PITPNM1: variants seen among roughly 807,000 people sequenced by gnomAD.
The protein encoded by PITPNM1 is membrane-associated phosphatidylinositol transfer protein 1.
A neutral mutation model predicts 133.3 loss-of-function variants in PITPNM1; 74 were observed. That is an observed-to-expected ratio of 0.56 (90% CI 0.46 to 0.67). The LOEUF (loss-of-function observed/expected upper bound fraction) is 0.67. PITPNM1 is among the 30% of genes least tolerant of loss of function. PITPNM1 has a pLI of 0.00. For missense variants in PITPNM1, 1,398 were observed against 1,739.5 expected (o/e 0.80, Z 3.49); for synonymous variants, 738 against 741.4 (o/e 1.00, Z 0.08).
At chr11:67,496,903 G>A (rs1265330520) in intron 14 of PITPNM1, 2 of 223,746 alleles carry the variant, frequency 8.9e-6, no homozygotes, top group Non-Finnish European at 1.7e-5. Context: ...TGACACTCTA[G>A]TCTGGGTGAC....
In PITPNM1 at chr11:67,502,732, G is replaced by T. The variant is rs1166766086; in HGVS notation, c.79-14C>A. 3.1e-6 allele frequency: 5 copies of T among 1,609,452 alleles called. No individual in the cohort carries two copies. Among genetic ancestry groups the T allele is most frequent in the Admixed American group, 1.7e-5 (1 of 59,980 alleles). On this transcript the variant is annotated splice_polypyrimidine_tract_variant and intron_variant, in intron 2 of 23. Coordinates refer to ENST00000356404, the MANE Select transcript of PITPNM1 (RefSeq NM_004910.3). This position sits in a 1 kb window ranked among gnomAD's most constrained non-coding sequence, Gnocchi z 5.9. ...CCGGCTCTTTTTCTGTGGCCCAAGG[G>T]AGAGCAGGACAGGGAGCTCAGCCCC...
At position 67,504,230 on chromosome 11, in the gene PITPNM1, G is replaced by C; in HGVS notation, c.-41-9C>G. ...CGCGGCCTCCGCTCCTCCTGGCGCA[G>C]GGCACGGCGCGACAGTCAGTGCGGG... On this transcript the variant is annotated splice_polypyrimidine_tract_variant and intron_variant, in intron 1 of 23. Transcript: ENST00000356404. This position sits in a 1 kb window ranked among gnomAD's most constrained non-coding sequence, Gnocchi z 5.4. The C allele has an allele frequency of 7.0e-7, 1 of 1,438,418 alleles. No individual in the cohort carries two copies. Among genetic ancestry groups the C allele is most frequent in the Non-Finnish European group, 9.5e-7 (1 of 1,057,968 alleles). 89.1% of individuals were successfully genotyped at this position (1,438,418 alleles called of 1,614,324 possible).
chr11:67,498,807 C>G lies in PITPNM1; in HGVS notation c.1273G>C (p.Ala425Pro). Residue 425 changes from alanine to proline, a missense_variant, in exon 10 of 24, where the codon GCA (alanine) becomes CCA (proline). Around this residue, in one of 5 missense-constraint regions of PITPNM1, gnomAD observed 574 missense variants for 698.7 expected, o/e 0.82. Coordinates refer to ENST00000356404, the MANE Select transcript of PITPNM1 (RefSeq NM_004910.3). This position sits in a 1 kb window ranked among gnomAD's most constrained non-coding sequence, Gnocchi z 5.7. ...GAGELGAEAC[A>P]VHALFLILHS... ...AGGATAAGGAAGAGGGCGTGGACTGCGCATGCCTCAGCCCCCAGCTCCCCG... is the reference window on the plus strand; with the variant it reads ...AGGATAAGGAAGAGGGCGTGGACTGGGCATGCCTCAGCCCCCAGCTCCCCG... 1 of 1,611,964 alleles carries G rather than the reference C, an allele frequency of 6.2e-7. No homozygotes were observed. Among genetic ancestry groups the G allele is most frequent in the South Asian group, 1.1e-5 (1 of 91,068 alleles).
At position 67,497,958 on chromosome 11, in the gene PITPNM1, C is replaced by A. The variant is rs566010672; in HGVS notation, c.1741G>T (p.Ala581Ser). Residue 581 changes from alanine (A) to serine (S), a missense_variant, in exon 12 of 24, where the codon GCG becomes TCG. This residue lies in a region of PITPNM1 where 574 missense variants were observed against 698.7 expected (regional missense o/e 0.82). Transcript: ENST00000356404. ...CTGCTGCCCCGACTCCCGGTGCCCG[C>A]GTTAGCACTGTGGCAGAGTGCATCA... ...GFDALCHSANAGTGSRGSSRR... is the reference protein window; with the variant it reads ...GFDALCHSANSGTGSRGSSRR... The A allele has an allele frequency of 6.2e-7, 1 of 1,611,272 alleles. No homozygotes were observed. Among genetic ancestry groups the A allele is most frequent in the Non-Finnish European group, 8.5e-7 (1 of 1,179,974 alleles).
rs1866429255 is a variant in PITPNM1, at chr11:67,504,423, G to GCCCCCGC, written c.-41-209_-41-203dup. On this transcript the variant is annotated intron_variant, in intron 1 of 23. Transcript: ENST00000356404. The surrounding 1 kb of genome is among the most constrained non-coding windows in gnomAD (Gnocchi z 5.4). ...TGAGCGCTGACCTCTTTTCCGCGCA[G>GCCCCCGC]CCCCCGCCCCCCGCCCGCCCGTCGC... 1.1e-5 allele frequency: 2 copies of GCCCCCGC among 177,966 alleles called. No individual in the cohort carries two copies. Among genetic ancestry groups the GCCCCCGC allele is most frequent in the South Asian group, 3.9e-4 (2 of 5,112 alleles). The allele number at this position is 177,966 out of a possible 1,614,324, so 11.0% of individuals were successfully genotyped here.
rs199853823 is a variant in PITPNM1, at chr11:67,495,465, G to A, written c.2455C>T (p.Pro819Ser). ...ATDPPAQPAAPSTTSEVVKIL... is the reference protein window; with the variant it reads ...ATDPPAQPAASSTTSEVVKIL... ...TTAACCACCTCACTGGTGGTGCTGG[G>A]GGCGGCTGGCTGGGCCGGGGGGTCA... The change falls in exon 16 of 24, where the codon CCC becomes TCC. Residue 819 changes from proline (P) to serine (S), a missense_variant. Transcript: ENST00000356404. The A allele has an allele frequency of 5.0e-4, 779 of 1,544,768 alleles. 1 individual carries two copies. The highest frequency in any genetic ancestry group is 6.5e-4 in the Non-Finnish European group (739 of 1,145,376).
Position 67,495,227 on chromosome 11 carries a change from T to G in PITPNM1, c.2483-2A>C, listed in dbSNP as rs1479635522. The G allele has an allele frequency of 6.3e-7, 1 of 1,580,846 alleles. No individual in the cohort carries two copies. The highest frequency in any genetic ancestry group is 8.6e-7 in the Non-Finnish European group (1 of 1,159,388). On this transcript the variant is annotated splice_acceptor_variant, in intron 16 of 23. Coordinates refer to ENST00000356404, the MANE Select transcript of PITPNM1 (RefSeq NM_004910.3). LOFTEE classifies it high-confidence loss of function. ...TGGTCCCCCACCAGCGCTCCAGGAC[T>G]GCGCGGCCATGGCAGCGAGTCAGGA...
chr11:67,495,601 G>A lies in PITPNM1; in HGVS notation c.2319C>T (p.Ala773=), dbSNP rs374675462. 67 of 1,562,596 alleles carry A rather than the reference G, an allele frequency of 4.3e-5. No individual in the cohort carries two copies. Among genetic ancestry groups the A allele is most frequent in the Non-Finnish European group, 3.8e-5 (44 of 1,160,680 alleles). Residue 773 remains alanine, a splice_region_variant and synonymous_variant, in exon 16 of 24, where the codon GCC becomes GCT. Coordinates refer to ENST00000356404, the MANE Select transcript of PITPNM1 (RefSeq NM_004910.3). Reference sequence around the variant, plus strand: ...GGCTGGAGTGCGTCTGCAGAGTGTCGGCTGGGGGAAGGAGGGCAAGGTCAG... The same window carrying A: ...GGCTGGAGTGCGTCTGCAGAGTGTCAGCTGGGGGAAGGAGGGCAAGGTCAG... ...PLGDGSSLLL[A]DTLQTHSSLF...
chr11:67,504,022 C>G lies in PITPNM1; in HGVS notation c.78+81G>C. Reference sequence around the variant, plus strand: ...CTCTTGCCTCCTCCGGGCTCCCAGCCGGTCCCAGCCCCGGGGCAGGGCTGG... The same window carrying G: ...CTCTTGCCTCCTCCGGGCTCCCAGCGGGTCCCAGCCCCGGGGCAGGGCTGG... On this transcript the variant is annotated intron_variant, in intron 2 of 23. Transcript: ENST00000356404. This position sits in a 1 kb window ranked among gnomAD's most constrained non-coding sequence, Gnocchi z 5.4. The G allele has an allele frequency of 9.0e-7, 1 of 1,112,500 alleles. No individual in the cohort carries two copies. Among genetic ancestry groups the G allele is most frequent in the East Asian group, 2.6e-5 (1 of 37,972 alleles). 68.9% of individuals were successfully genotyped at this position (1,112,500 alleles called of 1,614,324 possible).
chr11:67,502,866 C>T lies in PITPNM1; in HGVS notation c.79-148G>A. ...ACCAGACCCCGCCCCACCAAAGCTC[C>T]CTGGGATCAGAATCACAGATGCAGC... On this transcript the variant is annotated intron_variant, in intron 2 of 23. Coordinates refer to ENST00000356404, the MANE Select transcript of PITPNM1 (RefSeq NM_004910.3). The surrounding 1 kb of genome is among the most constrained non-coding windows in gnomAD (Gnocchi z 5.9). 2 of 737,160 alleles carry T rather than the reference C, an allele frequency of 2.7e-6. No individual in the cohort carries two copies. Among genetic ancestry groups the T allele is most frequent in the Non-Finnish European group, 4.4e-6 (2 of 456,178 alleles). 45.7% of individuals were successfully genotyped at this position (737,160 alleles called of 1,614,324 possible). A position where few individuals can be genotyped will look rare whatever the true frequency, so the allele number is the denominator to read the frequency against.
intron 5 of PITPNM1, 63 bp from the exon 6 acceptor site, chr11:67,500,484 GCC>G: frequency 6.6e-7 from 1 of 1,508,842 alleles, no homozygotes; most frequent in Admixed American, 1.7e-5. Context: ...GCAGCTACAT[GCC>G]CAGCCTTGAG....
chr11:67,494,418 G>T (rs1473036318), intron 18 of PITPNM1, 58 bp from the exon 19 acceptor site: 5 of 1,255,970 alleles, frequency 4.0e-6, no homozygotes, highest in East Asian at 2.4e-5. Flanking sequence ...TGCTTGGGGA[G>T]GGGGAGCGGG....
chr11:67,494,774 A>T, intron 18 of PITPNM1, 72 bp downstream of exon 18: 1 of 482,804 alleles, frequency 2.1e-6, no homozygotes, highest in Non-Finnish European at 3.2e-6. Flanking sequence ...TGCTGGGGGG[A>T]GGGGCGGGGC....
chr11:67,502,070 C>T lies in PITPNM1; in HGVS notation c.432G>A (p.Val144=). The change falls in exon 5 of 24, where the codon GTG becomes GTA. Residue 144 remains valine, a synonymous_variant. Coordinates refer to ENST00000356404, the MANE Select transcript of PITPNM1 (RefSeq NM_004910.3). The surrounding 1 kb of genome is among the most constrained non-coding windows in gnomAD (Gnocchi z 5.9). The part of the protein sequence containing the change: ...RQRILDTIDI[V]RDAVAPGEYK... ...ACTCGCCTGGGGCCACTGCATCCCG[C>T]ACGATGTCGATGGTGTCTGAGGGAG... The T allele has an allele frequency of 6.2e-7, 1 of 1,612,500 alleles. No homozygotes were observed. Among genetic ancestry groups the T allele is most frequent in the East Asian group, 2.2e-5 (1 of 44,858 alleles).
chr11:67,492,332 G>T, intron 23 of PITPNM1, 36 bp from the exon 24 acceptor site: 1 of 1,517,538 alleles, frequency 6.6e-7, no homozygotes, highest in South Asian at 1.3e-5. Context: ...AGGGGGTGCT[G>T]GCCAAGGGCC....
At position 67,498,953 on chromosome 11, in the gene PITPNM1, G is replaced by C. The variant is rs573696007; in HGVS notation, c.1220C>G (p.Pro407Arg). 2 of 1,612,888 alleles carry C rather than the reference G, an allele frequency of 1.2e-6. No individual in the cohort carries two copies. Among genetic ancestry groups the C allele is most frequent in the Admixed American group, 3.3e-5 (2 of 59,982 alleles). Reference sequence around the variant, plus strand: ...GACCATACTCGCCTCTGAGTCCCTGGGTGCTTGGGCCCCATCCTCAATGCC... The same window carrying C: ...GACCATACTCGCCTCTGAGTCCCTGCGTGCTTGGGCCCCATCCTCAATGCC... ...AKGIEDGAQAPRDSEGLDGAG... is the reference protein window; with the variant it reads ...AKGIEDGAQARRDSEGLDGAG... The change falls in exon 9 of 24, where the codon CCC becomes CGC. Residue 407 changes from proline to arginine, a missense_variant. Around this residue, in one of 5 missense-constraint regions of PITPNM1, gnomAD observed 574 missense variants for 698.7 expected, o/e 0.82. Transcript: ENST00000356404. The surrounding 1 kb of genome is among the most constrained non-coding windows in gnomAD (Gnocchi z 5.7).
chr11:67,498,332 G>C lies in PITPNM1; in HGVS notation c.1485-10C>G, dbSNP rs374086425. 8.4e-6 allele frequency: 13 copies of C among 1,550,656 alleles called. No homozygotes were observed. The highest frequency in any genetic ancestry group is 3.6e-5 in the Admixed American group (2 of 55,050). On this transcript the variant is annotated splice_polypyrimidine_tract_variant and intron_variant, in intron 10 of 23. Transcript: ENST00000356404. This position sits in a 1 kb window ranked among gnomAD's most constrained non-coding sequence, Gnocchi z 5.7. ...GCTGTAAGGGCTCAGGCTGTAGGAG[G>C]GGGAAATGTGCGTGGGTGAGGGGCT...
Position 67,498,569 on chromosome 11 carries a change from C to A in PITPNM1, c.1484+27G>T. The A allele has an allele frequency of 1.3e-6, 2 of 1,588,822 alleles. No homozygotes were observed. The highest frequency in any genetic ancestry group is 1.7e-6 in the Non-Finnish European group (2 of 1,173,638). The stretch of plus-strand genomic sequence containing the variant: ...GCTCCCTGGCCTGATCCTACGAGTT[C>A]CCTGCCCTTCCACCCGTGGCTAGTA... On this transcript the variant is annotated intron_variant, in intron 10 of 23. Transcript: ENST00000356404. This position sits in a 1 kb window ranked among gnomAD's most constrained non-coding sequence, Gnocchi z 5.7.
chr11:67,494,451 G>C (rs1358909924), intron 18 of PITPNM1, 91 bp from the exon 19 acceptor site: 1 of 857,086 alleles, frequency 1.2e-6, no homozygotes, highest in East Asian at 2.7e-5. Flanking sequence ...CGCAAACACC[G>C]GGGTGGGGGC....
Sources: gnomAD v4.1 joint callset for allele counts on GRCh38, gnomAD v4.1.1 for gene constraint, gnomAD v4.1.1 regional missense constraint, Gnocchi (gnomAD v3.1) non-coding constraint, MANE v1.5 for transcripts, NCBI Gene and HGNC (gene_info 2026-07-23, HGNC 2026-07-21) for gene names.